The following SLC24A2 variants were observed in gnomAD, a reference collection of about 807,000 sequenced individuals.
The protein encoded by SLC24A2 is solute carrier family 24 member 2, also known as sodium/potassium/calcium exchanger 2.
In SLC24A2, 36 loss-of-function variants were observed where a neutral mutation model predicts 62.0. The ratio of observed to expected loss-of-function variants is 0.58; its 90% CI spans 0.44 to 0.77. SLC24A2 has a LOEUF of 0.77. Ranked by LOEUF, SLC24A2 falls within the 30% of genes least tolerant of loss-of-function variation. SLC24A2 has a pLI of 0.00. For synonymous variants in SLC24A2, 358 were observed against 294.0 expected, an observed-to-expected ratio of 1.22 and a Z score of -2.23; for missense variants, 846 against 817.9, an observed-to-expected ratio of 1.03 and a Z score of -0.42.
At chr9:19,684,865 G>C (rs1327963739) in intron 2 of SLC24A2, among the ~76,000 whole-genome samples, 1 of 152,104 alleles carries the variant, frequency 6.6e-6, no homozygotes, top group East Asian at 1.9e-4. Flanking sequence ...GCAGGCAAGA[G>C]AAAGAAATAA....
At chr9:20,061,134 C>T in the SLC24A2 span, among the ~76,000 whole-genome samples, 1 of 151,930 alleles carries the variant, frequency 6.6e-6, no homozygotes, top group Non-Finnish European at 1.5e-5. Flanking sequence ...AATGGCAATG[C>T]AAAAGACCTA....
At chr9:19,802,658 A>G in the SLC24A2 span, among the ~76,000 whole-genome samples, 1 of 152,240 alleles carries the variant, frequency 6.6e-6, no homozygotes, top group African/African-American at 2.4e-5. Context: ...GGGCAAAATA[A>G]TAAAAATGTT....
At chr9:19,893,748 C>A in the SLC24A2 span, among the ~76,000 whole-genome samples, 2 of 152,124 alleles carry the variant, frequency 1.3e-5, no homozygotes. Context: ...GACAGGAACA[C>A]AAGATTGGCT....
At chr9:19,534,594 G>C (rs1563940365) in intron 8 of SLC24A2, among the ~76,000 whole-genome samples, 1 of 151,676 alleles carries the variant, frequency 6.6e-6, no homozygotes, top group Admixed American at 6.6e-5. Context: ...ACTTATGAGT[G>C]AAAAAAATGC....
the SLC24A2 span, among the ~76,000 whole-genome samples, chr9:20,006,225 T>G: frequency 6.6e-6 from 1 of 151,862 alleles, no homozygotes; most frequent in Non-Finnish European, 1.5e-5. Context: ...GTATTCTAAA[T>G]TTATCTACTT....
At chr9:19,913,253 G>T in the SLC24A2 span, among the ~76,000 whole-genome samples, 1 of 152,060 alleles carries the variant, frequency 6.6e-6, no homozygotes, top group Non-Finnish European at 1.5e-5. Flanking sequence ...ATGTTTGGCT[G>T]CAGGCTTATA....
At chr9:19,622,162 G>C in intron 3 of SLC24A2, 99 bp downstream of exon 3, 2 of 919,644 alleles carry the variant, frequency 2.2e-6, no homozygotes, top group Non-Finnish European at 3.6e-6. Context: ...CCAAGGGAGA[G>C]AGTAATGTGT....
rs71335440 is a variant in SLC24A2, at chr9:19,642,671, C to CTTTTTTTTTTTTTTTTTTTTTT, written c.931-20394_931-20373dup. ...AGAATGGTTTATATGAGAGCGTATTCTTTTTTTTTTTTTTTTTTTTTTTTT... is the reference window on the plus strand; with the variant it reads ...AGAATGGTTTATATGAGAGCGTATTCTTTTTTTTTTTTTTTTTTTTTTTTTTTTTTTTTTTTTTTTTTTTTTT... On this transcript the variant is annotated intron_variant, in intron 2 of 10. Coordinates refer to ENST00000341998, the MANE Select transcript of SLC24A2 (RefSeq NM_020344.4). Among the ~76,000 whole-genome samples, 6 of 79,850 alleles carry CTTTTTTTTTTTTTTTTTTTTTT rather than the reference C, an allele frequency of 7.5e-5. 2 individuals are homozygous for CTTTTTTTTTTTTTTTTTTTTTT. Among genetic ancestry groups the CTTTTTTTTTTTTTTTTTTTTTT allele is most frequent in the Non-Finnish European group, 7.4e-5 (3 of 40,580 alleles). 52.4% of individuals were successfully genotyped at this position (79,850 alleles called of 152,430 possible).
At chr9:19,638,046 C>T (rs1054265440) in intron 2 of SLC24A2, among the ~76,000 whole-genome samples, 4 of 152,194 alleles carry the variant, frequency 2.6e-5, no homozygotes, top group Admixed American at 6.5e-5. Context: ...ATATTTATAG[C>T]TCCATAAGCA....
the SLC24A2 span, among the ~76,000 whole-genome samples, chr9:19,858,177 A>G: frequency 1.3e-5 from 2 of 152,194 alleles, no homozygotes; most frequent in Non-Finnish European, 2.9e-5. Context: ...ATGGAACAGA[A>G]TGGAGAGCCC....
chr9:20,061,545 C>T, the SLC24A2 span, among the ~76,000 whole-genome samples: 300 of 152,186 alleles, frequency 2.0e-3, 1 homozygote, highest in African/African-American at 7.1e-3. Context: ...CCTCAGCCTC[C>T]CAAAGTGCTA....
At chr9:19,757,973 T>C (rs1564083525) in intron 2 of SLC24A2, among the ~76,000 whole-genome samples, 1 of 152,178 alleles carries the variant, frequency 6.6e-6, no homozygotes. Flanking sequence ...TTCTTTTTCA[T>C]GTTAGAACCC....
At chr9:20,286,716 A>G in the SLC24A2 span, among the ~76,000 whole-genome samples, 3 of 152,296 alleles carry the variant, frequency 2.0e-5, no homozygotes, top group East Asian at 5.8e-4. Context: ...GTCAGTTGCT[A>G]TTTAAATCAT....
the SLC24A2 span, among the ~76,000 whole-genome samples, chr9:20,158,323 T>A: frequency 6.6e-6 from 1 of 151,730 alleles, no homozygotes; most frequent in Non-Finnish European, 1.5e-5. Flanking sequence ...CATTACAACA[T>A]AACCTCCAAG....
At chr9:20,022,922 C>T in the SLC24A2 span, among the ~76,000 whole-genome samples, 1 of 152,092 alleles carries the variant, frequency 6.6e-6, no homozygotes, top group African/African-American at 2.4e-5. Context: ...ATGTATTTGA[C>T]TAAAGAAGAT....
At chr9:20,302,067 CTCAT>C in the SLC24A2 span, among the ~76,000 whole-genome samples, 1 of 152,194 alleles carries the variant, frequency 6.6e-6, no homozygotes, top group Non-Finnish European at 1.5e-5. Context: ...GGCTTGACAG[CTCAT>C]TTACTTTTAA....
intron 2 of SLC24A2, among the ~76,000 whole-genome samples, chr9:19,757,606 C>G (rs1021181798): frequency 1.3e-5 from 2 of 152,074 alleles, no homozygotes; most frequent in Non-Finnish European, 2.9e-5. Context: ...CTAAAATACC[C>G]CAATAAGCCA....
the SLC24A2 span, among the ~76,000 whole-genome samples, chr9:19,809,181 A>C: frequency 6.6e-6 from 1 of 152,152 alleles, no homozygotes; most frequent in African/African-American, 2.4e-5. Context: ...CATCTGGGTG[A>C]TGGAATGATA....
At chr9:19,881,352 A>G in the SLC24A2 span, among the ~76,000 whole-genome samples, 6 of 152,234 alleles carry the variant, frequency 3.9e-5, no homozygotes, top group Non-Finnish European at 5.9e-5. Flanking sequence ...AAGCAGAGAT[A>G]AAAGTATCAT....
Sources: allele counts gnomAD v4.1 joint callset (sites outside exome capture counted in the v4.1 genomes callset), GRCh38; gene constraint gnomAD v4.1.1; transcripts MANE v1.5; gene names NCBI Gene and HGNC (gene_info 2026-07-23, HGNC 2026-07-21).